The following PSIP1 variants were observed in gnomAD, a reference collection of about 807,000 sequenced individuals.
The protein encoded by PSIP1 is PC4 and SRSF1 interacting protein 1, also known as PC4 and SFRS1-interacting protein.
In PSIP1, 19 loss-of-function variants were observed where a neutral mutation model predicts 74.7. The ratio of observed to expected loss-of-function variants is 0.25; its 90% CI spans 0.18 to 0.37. PSIP1 has a LOEUF of 0.37. PSIP1 is among the 10% of genes least tolerant of loss of function. PSIP1 has a pLI of 1.00. For synonymous variants in PSIP1, 222 were observed against 195.3 expected (o/e 1.14, Z -1.14); for missense variants, 601 against 614.3 (o/e 0.98, Z 0.23).
intron 6 of PSIP1, among the ~76,000 whole-genome samples, chr9:15,481,413 T>C (rs893094320): frequency 2.6e-5 from 4 of 152,212 alleles, no homozygotes; most frequent in Non-Finnish European, 4.4e-5. Context: ...ATAGGTAGGG[T>C]TGGGTGCAGT....
intron 9 of PSIP1, 135 bp downstream of exon 9, chr9:15,473,874 C>G (rs2035948661): frequency 1.6e-6 from 1 of 628,628 alleles, no homozygotes; most frequent in Non-Finnish European, 2.4e-6. Flanking sequence ...GCACTCCAGC[C>G]TAAGCAACAC....
rs2035878928 is a variant in PSIP1 at position 15,472,431 on chromosome 9, G to A, written c.977+201C>T. The A allele has an allele frequency of 2.2e-6, 3 of 1,365,772 alleles. No individual in the cohort carries two copies. The East Asian group carries it at 8.7e-5, about 39-fold the overall frequency. The allele number at this position is 1,365,772 out of a possible 1,614,324, so 84.6% of individuals were successfully genotyped here. A position where few individuals can be genotyped will look rare whatever the true frequency, so the allele number is the denominator to read the frequency against. ...TTCAAAAATAATTCACAGAGTGACT[G>A]CCTCAGTCAATTTCATCCTCTCAGA... On this transcript the variant is annotated intron_variant, in intron 10 of 15. Transcript: ENST00000380733.
At chr9:15,475,194 T>C (rs1194964189) in intron 8 of PSIP1, among the ~76,000 whole-genome samples, 2 of 152,196 alleles carry the variant, frequency 1.3e-5, no homozygotes, top group Non-Finnish European at 2.9e-5. Context: ...TATCATTGGG[T>C]ATGCTTATTT....
intron 9 of PSIP1, among the ~76,000 whole-genome samples, chr9:15,473,338 C>A (rs886580449): frequency 4.6e-5 from 7 of 152,114 alleles, no homozygotes; most frequent in African/African-American, 1.4e-4. Flanking sequence ...TATAAATCCA[C>A]CTCTTTTAAC....
chr9:15,508,427 G>A (rs1369850914), intron 2 of PSIP1, among the ~76,000 whole-genome samples: 2 of 152,194 alleles, frequency 1.3e-5, no homozygotes, highest in Non-Finnish European at 2.9e-5. Context: ...CTTGTTAAAT[G>A]TAGAACTTGT....
intron 4 of PSIP1, among the ~76,000 whole-genome samples, chr9:15,488,153 A>G (rs564871160): frequency 2.0e-5 from 3 of 150,486 alleles, no homozygotes; most frequent in African/African-American, 7.5e-5. Context: ...AGATGGTGAA[A>G]CCCCATCTCT....
chr9:15,468,664 T>C lies in PSIP1; in HGVS notation c.1386A>G (p.Lys462=), dbSNP rs2035729630. The C allele has an allele frequency of 1.9e-6, 3 of 1,614,146 alleles. No individual in the cohort carries two copies. The highest frequency in any genetic ancestry group is 2.5e-6 in the Non-Finnish European group (3 of 1,180,000). Residue 462 remains lysine, a synonymous_variant, in exon 14 of 16, where the codon AAA becomes AAG. Coordinates refer to ENST00000380733, the MANE Select transcript of PSIP1 (RefSeq NM_033222.5). The part of the protein sequence containing the change: ...EANKTKDQGK[K]GPNKKLEKEQ... ...CCTTCTCTAGCTTTTTGTTTGGCCC[T>C]TTCTTCCCTTGATCTTTGGTTTTAT... is the stretch of plus-strand genomic sequence containing the variant.
chr9:15,471,849 T>G (rs904602139), intron 10 of PSIP1: 2 of 970,162 alleles, frequency 2.1e-6, no homozygotes, highest in African/African-American at 3.5e-5. Context: ...GTTTTAAAAA[T>G]CACCTCACTA....
chr9:15,502,923 G>T (rs887242116), intron 3 of PSIP1, among the ~76,000 whole-genome samples: 1 of 152,154 alleles, frequency 6.6e-6, no homozygotes, highest in Non-Finnish European at 1.5e-5. Context: ...TGTAGGCCAG[G>T]AAAAGAATGC....
chr9:15,495,156 C>A (rs1204679692), intron 3 of PSIP1, among the ~76,000 whole-genome samples: 1 of 152,012 alleles, frequency 6.6e-6, no homozygotes, highest in Non-Finnish European at 1.5e-5. Flanking sequence ...ATTGGGGTGA[C>A]CAGGAACTTC....
chr9:15,479,519 GGCA>G, intron 7 of PSIP1, 69 bp downstream of exon 7: 1 of 1,189,868 alleles, frequency 8.4e-7, no homozygotes, highest in Non-Finnish European at 1.2e-6. Context: ...AAATATTTGA[GGCA>G]GCAACACTTT....
rs1159694548 is a variant in PSIP1, at chr9:15,486,055, G to C, written c.407C>G (p.Ala136Gly). The change falls in exon 6 of 16, where the codon GCA becomes GGA. Residue 136 changes from alanine (A) to glycine (G), a missense_variant. Ala to Gly is a moderately conservative substitution (Grantham distance 60). This residue lies in a region of PSIP1 where 538 missense variants were observed against 507.6 expected (regional missense o/e 1.06). Transcript: ENST00000380733. ...AGCTTTTGGAGTAGTTATGTCAACT[G>C]CTTTAGTCACATCCTAAAAAAGAAA... is the stretch of plus-strand genomic sequence containing the variant. ...EKASNEDVTK[A>G]VDITTPKAAR... The C allele has an allele frequency of 1.2e-6, 2 of 1,605,676 alleles. No homozygotes were observed. Among genetic ancestry groups the C allele is most frequent in the South Asian group, 2.2e-5 (2 of 89,916 alleles).
chr9:15,481,359 C>T (rs778836373), intron 6 of PSIP1, among the ~76,000 whole-genome samples: 16 of 152,218 alleles, frequency 1.1e-4, no homozygotes, highest in Admixed American at 2.6e-4. Context: ...TCTCCACTTA[C>T]ACTTTCTGCT....
chr9:15,485,607 T>TAAC (rs139294153), intron 6 of PSIP1, among the ~76,000 whole-genome samples: 10 of 152,134 alleles, frequency 6.6e-5, no homozygotes, highest in Admixed American at 2.0e-4. Flanking sequence ...CAACGTGAAG[T>TAAC]AACAACAACA....
intron 2 of PSIP1, among the ~76,000 whole-genome samples, chr9:15,507,682 AT>A (rs34282220): frequency 0.07 from 10,669 of 152,268 alleles, 407 homozygotes; most frequent in South Asian, 0.14. Flanking sequence ...TCTATTTTAA[AT>A]GTCATAATTT....
chr9:15,478,411 G>T lies in PSIP1; in HGVS notation c.629+66C>A, dbSNP rs1004114213. Reference sequence around the variant, plus strand: ...AAGAGAAAACTGATAAAATCGCAGAGATATGTGCTTGTTTAAAGTCAAATG... The same window carrying T: ...AAGAGAAAACTGATAAAATCGCAGATATATGTGCTTGTTTAAAGTCAAATG... On this transcript the variant is annotated intron_variant, in intron 8 of 15. Coordinates refer to ENST00000380733, the MANE Select transcript of PSIP1 (RefSeq NM_033222.5). The T allele has an allele frequency of 1.2e-5, 14 of 1,171,730 alleles. No individual in the cohort carries two copies. The East Asian group carries it at 3.4e-4, about 28-fold the overall frequency. 72.6% of individuals were successfully genotyped at this position (1,171,730 alleles called of 1,614,324 possible).
At chr9:15,487,306 A>G (rs1385326471) in intron 4 of PSIP1, among the ~76,000 whole-genome samples, 4 of 152,110 alleles carry the variant, frequency 2.6e-5, no homozygotes, top group African/African-American at 4.8e-5. Context: ...GAGAAATTAC[A>G]AAACGTAGTT....
intron 3 of PSIP1, among the ~76,000 whole-genome samples, chr9:15,501,839 G>C (rs2037357461): frequency 2.1e-5 from 1 of 48,068 alleles, no homozygotes; most frequent in Non-Finnish European, 3.6e-5. Flanking sequence ...ATATAAAACA[G>C]CATATATATA....
At chr9:15,501,665 T>G (rs1264544597) in intron 3 of PSIP1, among the ~76,000 whole-genome samples, 1 of 151,938 alleles carries the variant, frequency 6.6e-6, no homozygotes, top group Non-Finnish European at 1.5e-5. Flanking sequence ...TCACTGCTAA[T>G]GTTAAAATAG....
Sources: allele counts gnomAD v4.1 joint callset (sites outside exome capture counted in the v4.1 genomes callset), GRCh38; gene constraint gnomAD v4.1.1; regional missense constraint gnomAD v4.1.1; transcripts MANE v1.5; gene names NCBI Gene and HGNC (gene_info 2026-07-23, HGNC 2026-07-21).